Variants in BANP observed in about 807,000 individuals in gnomAD.
BANP encodes the protein protein BANP.
A neutral mutation model predicts 68.1 loss-of-function variants in BANP; 11 were observed. That is an observed-to-expected ratio of 0.16 (90% CI 0.10 to 0.27). BANP has a LOEUF of 0.27. Among genes scored for constraint, BANP ranks in the 10% least tolerant of loss-of-function variants. The probability of loss-of-function intolerance (pLI) is 1.00; values close to 1 mark genes in which losing one functional copy is unlikely to be tolerated. For synonymous variants in BANP, 329 were observed against 303.2 expected (o/e 1.09, Z -0.88); for missense variants, 504 against 722.7 (o/e 0.70, Z 3.47).
chr16:87,960,107 A>T (rs892765298), intron 1 of BANP: 3 of 152,480 alleles, frequency 2.0e-5, no homozygotes, highest in Non-Finnish European at 4.4e-5. Flanking sequence ...GCTGGCCCTC[A>T]TGCACACCAG....
rs2087940217 is a variant in BANP at position 88,064,620 on chromosome 16, A to T, written c.1312-647A>T. Among the ~76,000 whole-genome samples, 1 of 152,344 alleles carries T rather than the reference A, an allele frequency of 6.6e-6. No homozygotes were observed. Among genetic ancestry groups the T allele is most frequent in the East Asian group, 1.9e-4 (1 of 5,172 alleles). On this transcript the variant is annotated intron_variant, in intron 11 of 13. Coordinates refer to ENST00000682872, the MANE Select transcript of BANP (RefSeq NM_001386991.1). The surrounding 1 kb of genome is among the most constrained non-coding windows in gnomAD (Gnocchi z 4.5). Reference sequence around the variant, plus strand: ...TGGCACCACGTGGCACTCCCCGAGGAGGCCTGGGGACCCCTCCTGGACATG... The same window carrying T: ...TGGCACCACGTGGCACTCCCCGAGGTGGCCTGGGGACCCCTCCTGGACATG...
rs1185177004 is a variant in BANP at position 88,064,049 on chromosome 16, A to G, written c.1312-1218A>G. 1.3e-5 allele frequency among the ~76,000 whole-genome samples: 2 copies of G among 152,200 alleles called. No individual in the cohort carries two copies. Among genetic ancestry groups the G allele is most frequent in the Non-Finnish European group, 2.9e-5 (2 of 68,030 alleles). On this transcript the variant is annotated intron_variant, in intron 11 of 13. Coordinates refer to ENST00000682872, the MANE Select transcript of BANP (RefSeq NM_001386991.1). The surrounding 1 kb of genome is among the most constrained non-coding windows in gnomAD (Gnocchi z 4.5). ...AGGTACCGGGGCTTTTGTGGGGAAC[A>G]AAGGCACAGACATTGTTGCTGCCTT...
chr16:87,955,553 C>G (rs1264217580), intron 1 of BANP, among the ~76,000 whole-genome samples: 1 of 152,190 alleles, frequency 6.6e-6, no homozygotes, highest in African/African-American at 2.4e-5. Context: ...CGGTTTTGCA[C>G]CAGTGTCCTC....
intron 7 of BANP, among the ~76,000 whole-genome samples, chr16:88,021,824 C>G (rs2076086727): frequency 6.6e-6 from 1 of 152,248 alleles, no homozygotes; most frequent in African/African-American, 2.4e-5. Context: ...GCTGTCCTCA[C>G]TCAACCCAGG....
intron 3 of BANP, among the ~76,000 whole-genome samples, chr16:87,981,978 ATTC>A (rs1203601196): frequency 6.6e-6 from 1 of 152,216 alleles, no homozygotes; most frequent in Admixed American, 6.5e-5. Flanking sequence ...TTTTCATATA[ATTC>A]TTCTACTTAC....
At chr16:88,022,016 T>C (rs1598526339) in intron 7 of BANP, among the ~76,000 whole-genome samples, 1 of 152,128 alleles carries the variant, frequency 6.6e-6, no homozygotes, top group Non-Finnish European at 1.5e-5. Context: ...AGAAATTTGC[T>C]TTTTGGGGTG....
rs758525183 is a variant in BANP, at chr16:88,076,609, C to T, written c.1541C>T (p.Pro514Leu). ...TTGCAGACGGCCGAAGCCCTGCAGC[C>T]CACGCTACAGCCGGAGATGCAGCTC... Reference protein sequence around the residue: ...AGAQTAEALQPTLQPEMQLEH... With the variant: ...AGAQTAEALQLTLQPEMQLEH... Residue 514 changes from proline (P) to leucine (L), a missense_variant, in exon 14 of 14, where the codon CCC becomes CTC. By Grantham distance (98) the Pro-to-Leu change is moderately conservative. Transcript: ENST00000682872. 1 of 1,612,414 alleles carries T rather than the reference C, an allele frequency of 6.2e-7. No individual in the cohort carries two copies. Among genetic ancestry groups the T allele is most frequent in the Non-Finnish European group, 8.5e-7 (1 of 1,179,724 alleles).
intron 2 of BANP, among the ~76,000 whole-genome samples, chr16:87,977,428 A>C (rs1379388189): frequency 6.6e-6 from 1 of 151,674 alleles, no homozygotes; most frequent in East Asian, 1.9e-4. Flanking sequence ...CAAAAAAAAA[A>C]ACAAAACCTA....
At chr16:87,951,135 C>T (rs774954086), upstream of BANP, among the ~76,000 whole-genome samples, 1 of 152,236 alleles carries the variant, frequency 6.6e-6, no homozygotes, top group Non-Finnish European at 1.5e-5. Flanking sequence ...GTTGAGGGAG[C>T]TAATGCGTAT....
chr16:88,037,642 G>C (rs11641828), intron 10 of BANP: 337,853 of 353,070 alleles, frequency 0.96, 163,482 homozygotes, highest in East Asian at 1. Context: ...CACATAGGAC[G>C]TCTCTCTGCT....
intron 1 of BANP, among the ~76,000 whole-genome samples, chr16:87,952,992 A>C (rs2057287064): frequency 6.6e-6 from 1 of 152,036 alleles, no homozygotes; most frequent in Non-Finnish European, 1.5e-5. Context: ...CTGGGGCTTT[A>C]ATCTTTTTAA....
Position 87,984,224 on chromosome 16 carries a change from T to G in BANP, c.327T>G (p.Pro109=). Residue 109 remains proline (P), a synonymous_variant, in exon 4 of 14, where the codon CCT becomes CCG. Transcript: ENST00000682872. ...AGGTCCCCATGGTGGCCGGCTCCCC[T>G]CTCGGGGCAACCCAGACGTGCAACA... The part of the protein sequence containing the change: ...PIQVPMVAGS[P]LGATQTCNKV... 12 of 1,605,042 alleles carry G rather than the reference T, an allele frequency of 7.5e-6. No individual in the cohort carries two copies. Among genetic ancestry groups the G allele is most frequent in the Non-Finnish European group, 1.0e-5 (12 of 1,175,090 alleles).
chr16:88,060,734 G>A (rs1361369652), intron 11 of BANP, among the ~76,000 whole-genome samples: 2 of 152,030 alleles, frequency 1.3e-5, no homozygotes, highest in Admixed American at 6.5e-5. Context: ...CAGCCCGGCC[G>A]GGCTCCCCGA....
chr16:88,035,320 C>T lies in BANP; in HGVS notation c.1201-3C>T, dbSNP rs781624990. 6.2e-6 allele frequency: 10 copies of T among 1,606,846 alleles called. No homozygotes were observed. The highest frequency in any genetic ancestry group is 3.4e-5 in the Admixed American group (2 of 59,388). On this transcript the variant is annotated splice_region_variant and splice_polypyrimidine_tract_variant and intron_variant, in intron 9 of 13. Transcript: ENST00000682872. ...TGCTTCTTGGTGTCTTTTCTTGCTG[C>T]GGATCCCACAGGGACACCTCCACAT...
rs1247061911 is a variant in BANP, at chr16:88,076,771, A to T, written c.*110A>T. 3.3e-6 allele frequency: 3 copies of T among 905,812 alleles called. No individual in the cohort carries two copies. The highest frequency in any genetic ancestry group is 2.9e-5 in the Admixed American group (1 of 34,010). 56.1% of individuals were successfully genotyped at this position (905,812 alleles called of 1,614,324 possible). On this transcript the variant is annotated 3_prime_UTR_variant, in exon 14 of 14. Transcript: ENST00000682872. The stretch of plus-strand genomic sequence containing the variant: ...GGCAGCGGCTGCACGTGTTCTGCTG[A>T]AGTGCGTCTGAAGGCCGCTGCCTCC...
intron 13 of BANP, among the ~76,000 whole-genome samples, chr16:88,075,680 G>T (rs1356278660): frequency 6.6e-6 from 1 of 152,134 alleles, no homozygotes; most frequent in Non-Finnish European, 1.5e-5. Context: ...CTCCACCTGG[G>T]GCGTGTTCCG....
At chr16:88,047,201 C>T (rs1178500480) in intron 11 of BANP, among the ~76,000 whole-genome samples, 1 of 152,236 alleles carries the variant, frequency 6.6e-6, no homozygotes, top group African/African-American at 2.4e-5. Flanking sequence ...CCCGGGGCTG[C>T]CAGGAGTTTG....
chr16:88,010,838 G>A (rs1329023482), intron 6 of BANP, among the ~76,000 whole-genome samples: 12 of 150,010 alleles, frequency 8.0e-5, no homozygotes, highest in East Asian at 5.9e-4. Context: ...AAAGGAGAAC[G>A]TGTAGCCACG....
At chr16:88,034,060 T>A (rs4843775) in intron 9 of BANP, among the ~76,000 whole-genome samples, 108,654 of 152,088 alleles carry the variant, frequency 0.71, 42,311 homozygotes, top group East Asian at 0.88. Context: ...CCTGGAAACA[T>A]GGTCCTCCAC....
Sources: gnomAD v4.1 joint callset for allele counts (sites outside exome capture counted in the v4.1 genomes callset) on GRCh38, gnomAD v4.1.1 for gene constraint, Gnocchi (gnomAD v3.1) non-coding constraint, MANE v1.5 for transcripts, NCBI Gene and HGNC (gene_info 2026-07-23, HGNC 2026-07-21) for gene names.